Variants in PTPRO observed in about 807,000 individuals in gnomAD.
The protein encoded by PTPRO is receptor-type tyrosine-protein phosphatase O.
In PTPRO, 62 loss-of-function variants were observed where a neutral mutation model predicts 145.2. That is an observed-to-expected ratio of 0.43 (90% CI 0.35 to 0.53). The LOEUF (loss-of-function observed/expected upper bound fraction) is 0.53, where lower values mean the gene tolerates loss of function less well. Ranked by LOEUF, PTPRO falls within the 20% of genes least tolerant of loss-of-function variation. The pLI is 0.01. For missense variants in PTPRO, 1,345 were observed against 1,482.7 expected (o/e 0.91, Z 1.53); for synonymous variants, 565 against 514.7 (o/e 1.10, Z -1.32).
At chr12:15,495,072 T>C (rs1365916834) in intron 2 of PTPRO, among the ~76,000 whole-genome samples, 1 of 152,072 alleles carries the variant, frequency 6.6e-6, no homozygotes, top group South Asian at 2.1e-4. Flanking sequence ...TTGGTTGACA[T>C]GGTACGTAAG....
chr12:15,510,948 C>T (rs1942425950), intron 7 of PTPRO, among the ~76,000 whole-genome samples: 1 of 141,448 alleles, frequency 7.1e-6, no homozygotes, highest in African/African-American at 2.6e-5. Flanking sequence ...GGGCAGATCA[C>T]TTGAGCTCAG....
Position 15,515,588 on chromosome 12 carries a change from C to A in PTPRO, c.1555C>A (p.Pro519Thr). The stretch of plus-strand genomic sequence containing the variant: ...CCTAAGGAAAGGCCCTTTGATTGGA[C>A]CACCTTCAGATCCTGTGACATTTGC... ...IYLRKGPLIG[P>T]PSDPVTFAIV... is the part of the protein sequence containing the mutation. The change falls in exon 8 of 27, where the codon CCA becomes ACA. Residue 519 changes from proline to threonine, a missense_variant. Around this residue, in one of 3 missense-constraint regions of PTPRO, gnomAD observed 1,130 missense variants for 1,214.7 expected, o/e 0.93. Coordinates refer to ENST00000281171, the MANE Select transcript of PTPRO (RefSeq NM_030667.3). 1 of 1,614,008 alleles carries A rather than the reference C, an allele frequency of 6.2e-7. No homozygotes were observed. Among genetic ancestry groups the A allele is most frequent in the Non-Finnish European group, 8.5e-7 (1 of 1,179,960 alleles).
At chr12:15,412,865 C>T (rs767481807) in intron 1 of PTPRO, among the ~76,000 whole-genome samples, 9 of 152,190 alleles carry the variant, frequency 5.9e-5, no homozygotes, top group Non-Finnish European at 1.3e-4. Context: ...GCAATCTCGT[C>T]TCACTACAAA....
chr12:15,526,076 T>A (rs1306948235), intron 11 of PTPRO, 66 bp from the exon 12 acceptor site: 2 of 1,596,840 alleles, frequency 1.3e-6, no homozygotes, highest in Non-Finnish European at 1.7e-6. Context: ...AGTCCTTTAG[T>A]TGTTTGGGGT....
chr12:15,397,661 A>G (rs996666816), intron 1 of PTPRO, among the ~76,000 whole-genome samples: 1 of 152,210 alleles, frequency 6.6e-6, no homozygotes, highest in African/African-American at 2.4e-5. Flanking sequence ...GTCCTGGTTC[A>G]TGTATCCATC....
chr12:15,538,879 C>T (rs1252800696), intron 12 of PTPRO, among the ~76,000 whole-genome samples: 1 of 152,216 alleles, frequency 6.6e-6, no homozygotes, highest in African/African-American at 2.4e-5. Context: ...AGCAAAGTAA[C>T]TCAGACCCTC....
At chr12:15,364,612 T>C (rs988132366) in intron 1 of PTPRO, among the ~76,000 whole-genome samples, 3 of 152,114 alleles carry the variant, frequency 2.0e-5, no homozygotes, top group Non-Finnish European at 4.4e-5. Context: ...GCAATCCAGA[T>C]TATTGACTGT....
At chr12:15,367,635 C>T (rs1051709002) in intron 1 of PTPRO, among the ~76,000 whole-genome samples, 2 of 152,190 alleles carry the variant, frequency 1.3e-5, no homozygotes, top group East Asian at 1.9e-4. Context: ...TGTAACAGAC[C>T]TGAAACTGGG....
intron 19 of PTPRO, among the ~76,000 whole-genome samples, chr12:15,573,350 A>G (rs904862667): frequency 1.3e-5 from 2 of 152,178 alleles, no homozygotes; most frequent in Non-Finnish European, 2.9e-5. Context: ...CTCAAACTCT[A>G]CTTACGTAAA....
At chr12:15,511,508 A>G (rs887782831) in intron 7 of PTPRO, among the ~76,000 whole-genome samples, 6 of 152,200 alleles carry the variant, frequency 3.9e-5, no homozygotes, top group African/African-American at 1.4e-4. Flanking sequence ...TTCTTATTTT[A>G]AAAAGTATAA....
intron 2 of PTPRO, among the ~76,000 whole-genome samples, chr12:15,487,314 C>T (rs1208811225): frequency 2.6e-5 from 4 of 152,084 alleles, no homozygotes; most frequent in African/African-American, 9.7e-5. Flanking sequence ...GGTAGCAGAA[C>T]CACTGATACT....
intron 1 of PTPRO, among the ~76,000 whole-genome samples, chr12:15,367,043 A>G (rs894111468): frequency 3.3e-5 from 5 of 152,216 alleles, no homozygotes; most frequent in Non-Finnish European, 7.4e-5. Flanking sequence ...TGCAGTAAAC[A>G]GAAGGAAGTT....
At chr12:15,537,015 G>A (rs1023525518) in intron 12 of PTPRO, among the ~76,000 whole-genome samples, 12 of 152,162 alleles carry the variant, frequency 7.9e-5, no homozygotes, top group Non-Finnish European at 1.6e-4. Context: ...GTCTATGAAT[G>A]AGTAAAAGCA....
chr12:15,490,798 A>AGAC (rs1226632531), intron 2 of PTPRO, among the ~76,000 whole-genome samples: 77 of 152,348 alleles, frequency 5.1e-4, no homozygotes, highest in African/African-American at 1.8e-3. Context: ...AAGGAGATTG[A>AGAC]GACAGATTGG....
At chr12:15,440,111 C>T in intron 1 of PTPRO, 1 of 634,224 alleles carries the variant, frequency 1.6e-6, no homozygotes, top group Non-Finnish European at 2.8e-6. Flanking sequence ...GCACCTCATC[C>T]CTGAGTCCAG....
chr12:15,354,954 G>T (rs1396325140), intron 1 of PTPRO, among the ~76,000 whole-genome samples: 2 of 152,200 alleles, frequency 1.3e-5, no homozygotes, highest in Admixed American at 6.5e-5. Context: ...TTAGTTACAA[G>T]CACCATTCTG....
At chr12:15,451,447 C>G (rs10128916) in intron 1 of PTPRO, among the ~76,000 whole-genome samples, 1 of 151,750 alleles carries the variant, frequency 6.6e-6, no homozygotes, top group African/African-American at 2.4e-5. Flanking sequence ...TAAGACAGAA[C>G]GTCAACAAAG....
In PTPRO at chr12:15,322,877, G is replaced by A; in HGVS notation, c.75+76G>A. Reference sequence around the variant, plus strand: ...GCTCCGGCGCCCTCGCTCTGCCGTTGGGAGCGGCGCGCCCCAGGGCACGAT... The same window carrying A: ...GCTCCGGCGCCCTCGCTCTGCCGTTAGGAGCGGCGCGCCCCAGGGCACGAT... On this transcript the variant is annotated intron_variant, in intron 1 of 26. Transcript: ENST00000281171. This position sits in a 1 kb window ranked among gnomAD's most constrained non-coding sequence, Gnocchi z 6.3. 4.1e-6 allele frequency: 6 copies of A among 1,475,890 alleles called. No individual in the cohort carries two copies. In the South Asian group the frequency reaches 7.2e-5, roughly 18 times the overall value. 91.4% of individuals were successfully genotyped at this position (1,475,890 alleles called of 1,614,324 possible). A position where few individuals can be genotyped will look rare whatever the true frequency, so the allele number is the denominator to read the frequency against.
At chr12:15,588,736 G>T in intron 24 of PTPRO, among the ~76,000 whole-genome samples, 1 of 152,208 alleles carries the variant, frequency 6.6e-6, no homozygotes, top group East Asian at 1.9e-4. Flanking sequence ...GGAGTTTTGA[G>T]CTGATCTGAG....
Sources: allele counts gnomAD v4.1 joint callset (sites outside exome capture counted in the v4.1 genomes callset), GRCh38; gene constraint gnomAD v4.1.1; regional missense constraint gnomAD v4.1.1; non-coding constraint Gnocchi (gnomAD v3.1); transcripts MANE v1.5; gene names NCBI Gene and HGNC (gene_info 2026-07-23, HGNC 2026-07-21).